The following ROBO1 variants were observed in gnomAD, a reference collection of about 807,000 sequenced individuals.
ROBO1 encodes roundabout homolog 1.
ROBO1 carries 149 observed loss-of-function variants against 195.9 expected under a neutral mutation model. That is an observed-to-expected ratio of 0.76 (90% CI 0.67 to 0.87). The LOEUF (loss-of-function observed/expected upper bound fraction) is 0.87, where lower values mean the gene tolerates loss of function less well. Among genes scored for constraint, ROBO1 ranks in the 40% least tolerant of loss-of-function variants. The pLI, the probability that ROBO1 is intolerant of heterozygous loss-of-function variation, is 0.00. For synonymous variants in ROBO1, 816 were observed against 733.2 expected, an observed-to-expected ratio of 1.11 and a Z score of -1.82; for missense variants, 1,933 against 2,068.3, an observed-to-expected ratio of 0.93 and a Z score of 1.27.
intron 1 of ROBO1, among the ~76,000 whole-genome samples, chr3:79,729,743 G>C (rs1703070101): frequency 6.6e-6 from 1 of 152,166 alleles, no homozygotes; most frequent in Admixed American, 6.5e-5. Context: ...CACACAAACT[G>C]TTTGCCACTA....
chr3:79,252,597 T>G (rs2082751942), intron 2 of ROBO1, among the ~76,000 whole-genome samples: 1 of 152,208 alleles, frequency 6.6e-6, no homozygotes. Flanking sequence ...TGTGGTAATT[T>G]GTTACAGCAG....
intron 1 of ROBO1, among the ~76,000 whole-genome samples, chr3:79,749,096 G>A (rs1255030577): frequency 1.3e-5 from 2 of 152,190 alleles, no homozygotes; most frequent in Non-Finnish European, 2.9e-5. Flanking sequence ...CCGAAAGGCT[G>A]ATAGTGGTAC....
At chr3:78,749,124 G>A (rs2082728246) in intron 4 of ROBO1, among the ~76,000 whole-genome samples, 1 of 152,146 alleles carries the variant, frequency 6.6e-6, no homozygotes, top group African/African-American at 2.4e-5. Flanking sequence ...GGCAGTATGT[G>A]CCTTTGCTGG....
At chr3:79,150,353 T>C (rs753361402) in intron 2 of ROBO1, among the ~76,000 whole-genome samples, 5 of 151,776 alleles carry the variant, frequency 3.3e-5, no homozygotes, top group Non-Finnish European at 7.4e-5. Context: ...TATTTTTCAG[T>C]GTGGCACACA....
At chr3:78,875,516 C>T (rs2107193456) in intron 4 of ROBO1, among the ~76,000 whole-genome samples, 1 of 151,986 alleles carries the variant, frequency 6.6e-6, no homozygotes, top group East Asian at 1.9e-4. Flanking sequence ...AACCTGGTTT[C>T]ACTGATTACT....
chr3:79,644,285 T>C (rs1218991327), intron 1 of ROBO1, among the ~76,000 whole-genome samples: 1 of 152,130 alleles, frequency 6.6e-6, no homozygotes, highest in Non-Finnish European at 1.5e-5. Context: ...CCTCTCTCAG[T>C]AATGAATGAA....
At chr3:78,766,972 T>C (rs528638658) in intron 4 of ROBO1, among the ~76,000 whole-genome samples, 36 of 152,314 alleles carry the variant, frequency 2.4e-4, no homozygotes, top group South Asian at 1.7e-3. Flanking sequence ...TGAAACCCAC[T>C]TGATCATGGT....
chr3:79,273,600 G>A (rs2030767113), intron 2 of ROBO1, among the ~76,000 whole-genome samples: 1 of 151,828 alleles, frequency 6.6e-6, no homozygotes, highest in African/African-American at 2.4e-5. Flanking sequence ...AGGAATGAAA[G>A]AAGAGAAGAC....
At chr3:79,744,500 T>C (rs1200474548) in intron 1 of ROBO1, among the ~76,000 whole-genome samples, 7 of 152,144 alleles carry the variant, frequency 4.6e-5, no homozygotes, top group African/African-American at 1.7e-4. Context: ...TCCTCTTGAA[T>C]GGGTATAGCG....
intron 1 of ROBO1, among the ~76,000 whole-genome samples, chr3:79,634,016 G>A (rs2108038074): frequency 6.6e-6 from 1 of 152,278 alleles, no homozygotes; most frequent in Admixed American, 6.5e-5. Context: ...TAGTTATTGG[G>A]AGGAAAGAGT....
At chr3:79,643,305 T>G (rs1945721983) in intron 1 of ROBO1, among the ~76,000 whole-genome samples, 1 of 152,152 alleles carries the variant, frequency 6.6e-6, no homozygotes, top group Non-Finnish European at 1.5e-5. Context: ...TTTTGAGGTT[T>G]TGGGACTTGG....
intron 5 of ROBO1, among the ~76,000 whole-genome samples, chr3:78,735,336 GA>G: frequency 6.6e-6 from 1 of 152,272 alleles, no homozygotes; most frequent in South Asian, 2.1e-4. Flanking sequence ...AGGCAAAGAA[GA>G]TATCATTATC....
intron 2 of ROBO1, among the ~76,000 whole-genome samples, chr3:79,522,799 G>GA (rs1167832880): frequency 2.0e-5 from 3 of 152,170 alleles, no homozygotes; most frequent in Non-Finnish European, 2.9e-5. Flanking sequence ...ATTAAATTCA[G>GA]AAAAAACTTC....
chr3:79,481,615 T>C (rs936199551), intron 2 of ROBO1, among the ~76,000 whole-genome samples: 2 of 152,200 alleles, frequency 1.3e-5, no homozygotes, highest in African/African-American at 4.8e-5. Context: ...TCAAGTTTCT[T>C]GAACTGGCCA....
At chr3:78,762,425 A>AT (rs1215531046) in intron 4 of ROBO1, among the ~76,000 whole-genome samples, 2 of 152,216 alleles carry the variant, frequency 1.3e-5, no homozygotes, top group East Asian at 3.9e-4. Flanking sequence ...AATTTCATTT[A>AT]TATTTCCAGT....
chr3:79,706,322 GC>G (rs1947769062), intron 1 of ROBO1, among the ~76,000 whole-genome samples: 3 of 151,984 alleles, frequency 2.0e-5, no homozygotes, highest in Admixed American at 6.6e-5. Context: ...TGAATAAGTT[GC>G]CCTCTATTTT....
chr3:78,755,747 T>C (rs1010495945), intron 4 of ROBO1, among the ~76,000 whole-genome samples: 2 of 152,158 alleles, frequency 1.3e-5, no homozygotes, highest in Non-Finnish European at 2.9e-5. Context: ...GTAGACAATA[T>C]ATAAGTAAAT....
At chr3:79,224,266 G>C (rs2082188620) in intron 2 of ROBO1, among the ~76,000 whole-genome samples, 1 of 152,158 alleles carries the variant, frequency 6.6e-6, no homozygotes, top group South Asian at 2.1e-4. Flanking sequence ...TTCCAAGTGG[G>C]ATGTTGAGAA....
chr3:79,193,685 T>C (rs929715015), intron 2 of ROBO1, among the ~76,000 whole-genome samples: 2 of 150,552 alleles, frequency 1.3e-5, no homozygotes, highest in Non-Finnish European at 3.0e-5. Context: ...TAGGATACAT[T>C]TCTAATCCCA....
Sources: gnomAD v4.1 joint callset for allele counts (sites outside exome capture counted in the v4.1 genomes callset) on GRCh38, gnomAD v4.1.1 for gene constraint, MANE v1.5 for transcripts, NCBI Gene and HGNC (gene_info 2026-07-23, HGNC 2026-07-21) for gene names.